Variants in ACSL3 observed in about 807,000 individuals in gnomAD.
ACSL3 encodes the protein fatty acid CoA ligase Acsl3.
ACSL3 carries 34 observed loss-of-function variants against 84.7 expected under a neutral mutation model. The ratio of observed to expected loss-of-function variants is 0.40; its 90% CI spans 0.31 to 0.53. The LOEUF (loss-of-function observed/expected upper bound fraction) is 0.53, where lower values mean the gene tolerates loss of function less well. ACSL3 is among the 20% of genes least tolerant of loss of function. ACSL3 has a pLI of 0.48. For missense variants in ACSL3, 680 were observed against 873.1 expected (o/e 0.78, Z 2.79); for synonymous variants, 315 against 299.4 (o/e 1.05, Z -0.54).
chr2:222,899,065 T>C lies in ACSL3; in HGVS notation c.-147-1609T>C, dbSNP rs188654350. ...AGGCAGTTTATCTGAGAGGAAAGAA[T>C]TTAGCTTTCACCGTCATACGATATA... On this transcript the variant is annotated intron_variant, in intron 2 of 16. Transcript: ENST00000357430. Among the ~76,000 whole-genome samples, 686 of 152,122 alleles carry C rather than the reference T, an allele frequency of 4.5e-3. 2 individuals carry two copies. The highest frequency in any genetic ancestry group is 7.4e-3 in the Non-Finnish European group (505 of 67,968).
Position 222,916,419 on chromosome 2 carries a change from C to G in ACSL3, c.479C>G (p.Thr160Ser). Residue 160 changes from threonine to serine, a missense_variant, in exon 5 of 17, where the codon ACC (threonine) becomes AGC (serine). Physicochemically the swap from Thr to Ser is moderately conservative, Grantham distance 58. Around this residue, in one of 2 missense-constraint regions of ACSL3, gnomAD observed 333 missense variants for 347.5 expected, o/e 0.96. Transcript: ENST00000357430. ...GLQMLGQKPK[T>S]NIAIFCETRA... ...CAGATGTTGGGTCAGAAACCAAAGA[C>G]CAACATCGCCATCTTCTGTGAGACC... The G allele has an allele frequency of 6.2e-7, 1 of 1,614,044 alleles. No homozygotes were observed. The highest frequency in any genetic ancestry group is 8.5e-7 in the Non-Finnish European group (1 of 1,179,976).
chr2:222,890,042 G>A (rs1695807022), intron 2 of ACSL3, among the ~76,000 whole-genome samples: 1 of 152,200 alleles, frequency 6.6e-6, no homozygotes, highest in Non-Finnish European at 1.5e-5. Flanking sequence ...ATTGACTAAA[G>A]GAAGTAATCG....
Position 222,934,660 on chromosome 2 carries a change from A to C in ACSL3, c.1978A>C (p.Lys660Gln), listed in dbSNP as rs570904580. 152 of 1,608,212 alleles carry C rather than the reference A, an allele frequency of 9.5e-5. No individual in the cohort carries two copies. In the South Asian group the frequency reaches 1.6e-3, roughly 17 times the overall value. The change falls in exon 16 of 17, where the codon AAA (lysine) becomes CAA (glutamine). Residue 660 changes from lysine (K) to glutamine (Q), a missense_variant. Lys to Gln is a moderately conservative substitution (Grantham distance 53). Coordinates refer to ENST00000357430, the MANE Select transcript of ACSL3 (RefSeq NM_004457.5). The stretch of plus-strand genomic sequence containing the variant: ...TTGTGAAATGGAAAATGAGGTACTT[A>C]AAGTGCTTTCCGAAGCTGCTATTTC... ...NSCEMENEVLKVLSEAAISAS... is the reference protein window; with the variant it reads ...NSCEMENEVLQVLSEAAISAS...
rs1470628783 is a variant in ACSL3 at position 222,924,945 on chromosome 2, G to A, written c.1292+350G>A. 4.6e-5 allele frequency among the ~76,000 whole-genome samples: 7 copies of A among 151,582 alleles called. 1 individual carries two copies. The highest frequency in any genetic ancestry group is 4.2e-4 in the South Asian group (2 of 4,802). ...GGAGGCTGAGGCAGGAGAATGGTGC[G>A]AACCCAGGAGGCGGAGCTTGCAGTG... is the stretch of plus-strand genomic sequence containing the variant. On this transcript the variant is annotated intron_variant, in intron 11 of 16. Coordinates refer to ENST00000357430, the MANE Select transcript of ACSL3 (RefSeq NM_004457.5).
Position 222,918,110 on chromosome 2 carries a change from G to A in ACSL3, c.621G>A (p.Val207=), listed in dbSNP as rs1696633469. ...AIVHALNETE[V]TNIITSKELL... is the part of the protein sequence containing the mutation. ...TTCATGCATTAAATGAAACAGAGGT[G>A]ACCAACATCATTACTAGTAAAGAAC... is the stretch of plus-strand genomic sequence containing the variant. Residue 207 remains valine, a synonymous_variant, in exon 6 of 17, where the codon GTG becomes GTA. Coordinates refer to ENST00000357430, the MANE Select transcript of ACSL3 (RefSeq NM_004457.5). The A allele has an allele frequency of 6.2e-7, 1 of 1,611,912 alleles. No individual in the cohort carries two copies. The highest frequency in any genetic ancestry group is 8.5e-7 in the Non-Finnish European group (1 of 1,178,820).
At chr2:222,861,791 G>A (rs1003807036) in intron 1 of ACSL3, 4 of 152,402 alleles carry the variant, frequency 2.6e-5, no homozygotes, top group African/African-American at 9.7e-5. Context: ...CACTATCGTG[G>A]TGGTGGGACT....
At chr2:222,906,104 A>AT (rs1214803584) in intron 3 of ACSL3, among the ~76,000 whole-genome samples, 1 of 151,918 alleles carries the variant, frequency 6.6e-6, no homozygotes, top group African/African-American at 2.4e-5. Context: ...CGGAATACTG[A>AT]TTTTCCCTCC....
intron 1 of ACSL3, among the ~76,000 whole-genome samples, chr2:222,869,601 A>G (rs1435656067): frequency 6.6e-6 from 1 of 152,254 alleles, no homozygotes; most frequent in East Asian, 1.9e-4. Context: ...GATGCTGTAA[A>G]TGTTAAATGA....
intron 7 of ACSL3, chr2:222,920,921 C>G (rs539972618): frequency 2.1e-6 from 1 of 473,584 alleles, no homozygotes; most frequent in African/African-American, 2.0e-5. Context: ...ACACTCTTCT[C>G]CCAGTTCCAG....
chr2:222,863,769 A>AT (rs1695069739), intron 1 of ACSL3, among the ~76,000 whole-genome samples: 2 of 152,226 alleles, frequency 1.3e-5, no homozygotes, highest in Non-Finnish European at 2.9e-5. Flanking sequence ...TGGGAAATAT[A>AT]GATTGTTAAA....
At position 222,941,659 on chromosome 2, in the gene ACSL3, T is replaced by G; in HGVS notation, c.*5T>G. 6.2e-7 allele frequency: 1 copy of G among 1,609,924 alleles called. No individual in the cohort carries two copies. The highest frequency in any genetic ancestry group is 1.1e-5 in the South Asian group (1 of 90,668). ...CGAATGTATGGAAGAAAATAATTAT[T>G]CTCTTCTGGCATCAGTTTGCTACAG... On this transcript the variant is annotated 3_prime_UTR_variant, in exon 17 of 17. Coordinates refer to ENST00000357430, the MANE Select transcript of ACSL3 (RefSeq NM_004457.5).
chr2:222,930,796 A>T lies in ACSL3; in HGVS notation c.1716A>T (p.Gly572=), dbSNP rs768882405. The part of the protein sequence containing the change: ...TGDIGEFEPD[G]CLKIIDRKKD... The stretch of plus-strand genomic sequence containing the variant: ...ATATTGGAGAGTTTGAACCCGATGG[A>T]TGCTTAAAGATTATTGGTAAGTCAT... The change falls in exon 14 of 17, where the codon GGA becomes GGT. Residue 572 remains glycine (G), a synonymous_variant. Coordinates refer to ENST00000357430, the MANE Select transcript of ACSL3 (RefSeq NM_004457.5). 6.3e-7 allele frequency: 1 copy of T among 1,597,424 alleles called. No homozygotes were observed. The highest frequency in any genetic ancestry group is 8.5e-7 in the Non-Finnish European group (1 of 1,173,242).
At chr2:222,915,679 G>C (rs146707378) in intron 4 of ACSL3, among the ~76,000 whole-genome samples, 110 of 152,300 alleles carry the variant, frequency 7.2e-4, no homozygotes, top group African/African-American at 2.5e-3. Flanking sequence ...TTGAAAACCT[G>C]GCGGTGCCAG....
chr2:222,922,666 C>T (rs754721929), intron 8 of ACSL3, 42 bp from the exon 9 acceptor site: 24 of 1,610,724 alleles, frequency 1.5e-5, no homozygotes, highest in East Asian at 6.7e-5. Flanking sequence ...TTGGCATAGA[C>T]GACACCTGAC....
intron 9 of ACSL3, 40 bp downstream of exon 9, chr2:222,922,871 T>C: frequency 6.2e-6 from 10 of 1,610,924 alleles, no homozygotes; most frequent in Non-Finnish European, 8.5e-6. Flanking sequence ...TAAAAAATCA[T>C]AGTGAATTGT....
chr2:222,931,275 T>A (rs552271862), intron 14 of ACSL3, among the ~76,000 whole-genome samples: 2 of 152,088 alleles, frequency 1.3e-5, no homozygotes, highest in Admixed American at 1.3e-4. Flanking sequence ...GTGTGTGGTG[T>A]CTTTGTCGGG....
In ACSL3 at chr2:222,861,237, G is replaced by T. The variant is rs1418492313; in HGVS notation, c.-228G>T. 1 of 152,186 alleles carries T rather than the reference G, an allele frequency of 6.6e-6. No homozygotes were observed. Among genetic ancestry groups the T allele is most frequent in the Admixed American group, 6.5e-5 (1 of 15,286 alleles). The allele number at this position is 152,186 out of a possible 1,614,324, so 9.4% of individuals were successfully genotyped here. A position where few individuals can be genotyped will look rare whatever the true frequency, so the allele number is the denominator to read the frequency against. ...GGCCTGCGCGGGCCCGAGGCCGGAG[G>T]AACCCGGACTCCGGCGTAGCGGTGA... On this transcript the variant is annotated 5_prime_UTR_variant, in exon 1 of 17. Transcript: ENST00000357430.
intron 11 of ACSL3, 107 bp downstream of exon 11, chr2:222,924,702 TC>T: frequency 2.4e-6 from 3 of 1,251,370 alleles, no homozygotes; most frequent in Non-Finnish European, 3.3e-6. Context: ...GAAATATATT[TC>T]ATAAAGTCAA....
At chr2:222,870,002 G>T (rs1695257138) in intron 1 of ACSL3, among the ~76,000 whole-genome samples, 1 of 152,162 alleles carries the variant, frequency 6.6e-6, no homozygotes. Flanking sequence ...CTGAGTTGTT[G>T]CAGGAGGAGC....
Sources: gnomAD v4.1 joint callset for allele counts (sites outside exome capture counted in the v4.1 genomes callset) on GRCh38, gnomAD v4.1.1 for gene constraint, gnomAD v4.1.1 regional missense constraint, MANE v1.5 for transcripts, NCBI Gene and HGNC (gene_info 2026-07-23, HGNC 2026-07-21) for gene names.